The following NEBL variants were observed in gnomAD, a reference collection of about 807,000 sequenced individuals.
NEBL encodes LIM and SH3 protein 2.
In NEBL, 122 loss-of-function variants were observed where a neutral mutation model predicts 140.2. That is an observed-to-expected ratio of 0.87 (90% confidence interval 0.75 to 1.01). The LOEUF (loss-of-function observed/expected upper bound fraction) is 1.01, where lower values mean the gene tolerates loss of function less well. Among genes scored for constraint, NEBL ranks in the 50% least tolerant of loss-of-function variants. The pLI is 0.00. For synonymous variants in NEBL, 436 were observed against 398.9 expected (o/e 1.09, Z -1.11); for missense variants, 1,365 against 1,231.3 (o/e 1.11, Z -1.62).
Position 20,809,853 on chromosome 10 carries a change from T to C in NEBL, c.2564A>G (p.Asp855Gly). Residue 855 changes from aspartate to glycine, a missense_variant, in exon 25 of 28, where the codon GAT becomes GGT. This residue lies in a region of NEBL where 1,323 missense variants were observed against 1,154.8 expected (regional missense o/e 1.15). Coordinates refer to ENST00000377122, the MANE Select transcript of NEBL (RefSeq NM_006393.3). Reference sequence around the variant, plus strand: ...AGACTGAATATTGTCTTCCAGGGGATCAAGGTCGAAGATGGAGCCAGGATC... The same window carrying C: ...AGACTGAATATTGTCTTCCAGGGGACCAAGGTCGAAGATGGAGCCAGGATC... ...RTDPGSIFDL[D>G]PLEDNIQSRS... 1 of 1,610,218 alleles carries C rather than the reference T, an allele frequency of 6.2e-7. No individual in the cohort carries two copies. The highest frequency in any genetic ancestry group is 8.5e-7 in the Non-Finnish European group (1 of 1,179,426).
intron 5 of NEBL, 62 bp from the exon 6 acceptor site, chr10:20,869,903 C>G: frequency 9.4e-7 from 1 of 1,062,512 alleles, no homozygotes; most frequent in South Asian, 1.3e-5. Flanking sequence ...AGCTACTAGT[C>G]TTAGTGTTCA....
At chr10:21,103,394 T>A (rs926490491) in intron 2 of NEBL, among the ~76,000 whole-genome samples, 3 of 152,166 alleles carry the variant, frequency 2.0e-5, no homozygotes, top group Admixed American at 2.0e-4. Flanking sequence ...TTTGTATTTC[T>A]CGTAGAGATG....
upstream of NEBL, among the ~76,000 whole-genome samples, chr10:21,176,721 AAT>A (rs1330500807): frequency 6.6e-6 from 1 of 152,152 alleles, no homozygotes; most frequent in Non-Finnish European, 1.5e-5. Flanking sequence ...ACTCTACCCC[AAT>A]ATCTCTACTT....
At chr10:21,214,290 G>A (rs888678932) in intron 3 of NEBL, among the ~76,000 whole-genome samples, 23 of 151,988 alleles carry the variant, frequency 1.5e-4, no homozygotes, top group Non-Finnish European at 3.2e-4. Context: ...ATTTTTAGTG[G>A]TATCAAATAA....
At chr10:21,123,153 A>G (rs1006742774) in intron 2 of NEBL, among the ~76,000 whole-genome samples, 1 of 152,216 alleles carries the variant, frequency 6.6e-6, no homozygotes, top group Non-Finnish European at 1.5e-5. Flanking sequence ...GGTTGATACC[A>G]AAGGATGTCT....
intron 3 of NEBL, among the ~76,000 whole-genome samples, chr10:21,190,540 TA>T (rs1407724795): frequency 6.6e-6 from 1 of 152,178 alleles, no homozygotes; most frequent in African/African-American, 2.4e-5. Flanking sequence ...GAGTAGTTAA[TA>T]AGAACTTGGA....
At chr10:21,243,028 G>C (rs1480516264) in intron 3 of NEBL, among the ~76,000 whole-genome samples, 1 of 152,156 alleles carries the variant, frequency 6.6e-6, no homozygotes. Flanking sequence ...AGAAGCCTTT[G>C]ACCTTTGCTT....
At chr10:20,880,649 C>T (rs1176963542) in intron 5 of NEBL, 145 bp downstream of exon 5, 5 of 709,050 alleles carry the variant, frequency 7.1e-6, no homozygotes, top group Non-Finnish European at 1.3e-5. Flanking sequence ...TAGAATAATT[C>T]AGATGTACCT....
chr10:20,947,642 T>C (rs1353883394), intron 4 of NEBL, among the ~76,000 whole-genome samples: 1 of 152,002 alleles, frequency 6.6e-6, no homozygotes, highest in Admixed American at 6.6e-5. Flanking sequence ...CAGGCTTTGC[T>C]ATTTACAAAT....
chr10:20,853,334 T>C (rs1317371866), intron 9 of NEBL, among the ~76,000 whole-genome samples: 1 of 152,162 alleles, frequency 6.6e-6, no homozygotes, highest in Non-Finnish European at 1.5e-5. Context: ...TGAACAGGGA[T>C]GCCAAGTTTG....
At chr10:20,895,520 CA>C (rs1476998617) in intron 2 of NEBL, among the ~76,000 whole-genome samples, 1 of 152,170 alleles carries the variant, frequency 6.6e-6, no homozygotes, top group Non-Finnish European at 1.5e-5. Context: ...GCCTACCTCG[CA>C]AGCTGCAATC....
At chr10:21,167,698 A>C (rs2132170932) in intron 2 of NEBL, among the ~76,000 whole-genome samples, 1 of 152,362 alleles carries the variant, frequency 6.6e-6, no homozygotes, top group South Asian at 2.1e-4. Context: ...TAGGGTTTAT[A>C]CTCATTGTGT....
chr10:21,290,078 G>C (rs1201663975), intron 1 of NEBL, among the ~76,000 whole-genome samples: 1 of 152,172 alleles, frequency 6.6e-6, no homozygotes, highest in Admixed American at 6.5e-5. Context: ...AAGAAAGCAG[G>C]TTGTAAAGAA....
At chr10:21,033,803 T>C (rs1833898408) in intron 2 of NEBL, among the ~76,000 whole-genome samples, 1 of 151,218 alleles carries the variant, frequency 6.6e-6, no homozygotes, top group Non-Finnish European at 1.5e-5. Flanking sequence ...AATATCTCAC[T>C]TGGCTCTTAT....
intron 3 of NEBL, among the ~76,000 whole-genome samples, chr10:21,235,103 T>G (rs1267278817): frequency 6.6e-6 from 1 of 152,104 alleles, no homozygotes; most frequent in African/African-American, 2.4e-5. Context: ...CAGACCAGCC[T>G]GGGCAACATA....
In NEBL at chr10:21,015,114, A is replaced by G. The variant is rs1589137517; in HGVS notation, c.249+5003T>C. The stretch of plus-strand genomic sequence containing the variant: ...GATTGCAAATAGCTAAGCCAAGCAC[A>G]TAAACAACTAAGTGGGCAGTAGCTA... On this transcript the variant is annotated intron_variant, in intron 3 of 6. Transcript: ENST00000417816. Among the ~76,000 whole-genome samples, 3 of 152,240 alleles carry G rather than the reference A, an allele frequency of 2.0e-5. No individual in the cohort carries two copies. The South Asian group carries it at 6.2e-4, about 32-fold the overall frequency.
At chr10:20,880,652 A>G (rs781754041) in intron 5 of NEBL, 142 bp downstream of exon 5, 103 of 714,946 alleles carry the variant, frequency 1.4e-4, no homozygotes, top group Non-Finnish European at 2.3e-4. Flanking sequence ...AATAATTCAG[A>G]TGTACCTCTG....
chr10:21,154,677 A>T (rs1840271379), intron 2 of NEBL, among the ~76,000 whole-genome samples: 1 of 152,228 alleles, frequency 6.6e-6, no homozygotes. Flanking sequence ...TCAATTATCA[A>T]CATTGTAAAA....
chr10:21,146,359 G>A (rs1470234264), intron 2 of NEBL: 2 of 1,612,958 alleles, frequency 1.2e-6, no homozygotes, highest in African/African-American at 1.3e-5. Context: ...TGTCTGGAAT[G>A]TACATTTCAG....
Sources: gnomAD v4.1 joint callset for allele counts (sites outside exome capture counted in the v4.1 genomes callset) on GRCh38, gnomAD v4.1.1 for gene constraint, gnomAD v4.1.1 regional missense constraint, MANE v1.5 for transcripts, NCBI Gene and HGNC (gene_info 2026-07-23, HGNC 2026-07-21) for gene names.